The following CSTPP1 variants were observed in gnomAD, a reference collection of about 807,000 sequenced individuals.
The protein encoded by CSTPP1 is UPF0705 protein C11orf49.
the CSTPP1 span, among the ~76,000 whole-genome samples, chr11:47,072,322 C>A: frequency 2.0e-5 from 3 of 152,196 alleles, no homozygotes; most frequent in African/African-American, 7.2e-5. Flanking sequence ...AGGTTGCAAG[C>A]TGTTTTTCTA....
the CSTPP1 span, among the ~76,000 whole-genome samples, chr11:46,938,778 TTC>T: frequency 1.5e-4 from 14 of 95,360 alleles, no homozygotes; most frequent in Admixed American, 6.0e-4. Context: ...TTTTTTCTTC[TTC>T]TTTTTTTTTT....
At chr11:47,079,912 G>A in the CSTPP1 span, among the ~76,000 whole-genome samples, 3 of 151,054 alleles carry the variant, frequency 2.0e-5, no homozygotes, top group Admixed American at 6.6e-5. Context: ...TGACCAACAC[G>A]GTGATACCCC....
At chr11:47,016,944 G>C in the CSTPP1 span, among the ~76,000 whole-genome samples, 14 of 141,172 alleles carry the variant, frequency 9.9e-5, no homozygotes, top group South Asian at 2.9e-3. Context: ...CCAGGTTCAC[G>C]CCATTCTCCT....
the CSTPP1 span, among the ~76,000 whole-genome samples, chr11:47,054,001 C>CT: frequency 7.1e-4 from 101 of 142,574 alleles, 1 homozygote; most frequent in Middle Eastern, 0.018. Context: ...TATTTGAAGG[C>CT]TTTTTTTTTT....
chr11:47,123,960 A>G, the CSTPP1 span, among the ~76,000 whole-genome samples: 2 of 152,080 alleles, frequency 1.3e-5, no homozygotes, highest in East Asian at 3.9e-4. Context: ...CAAAAAACAA[A>G]CAAACAAATT....
the CSTPP1 span, among the ~76,000 whole-genome samples, chr11:47,093,980 G>A: frequency 1.3e-5 from 2 of 152,188 alleles, no homozygotes; most frequent in African/African-American, 4.8e-5. Context: ...ATGCTTACTG[G>A]TTTCAAATAC....
At chr11:47,088,474 A>G in the CSTPP1 span, among the ~76,000 whole-genome samples, 1 of 152,240 alleles carries the variant, frequency 6.6e-6, no homozygotes, top group South Asian at 2.1e-4. Context: ...TTGTACACCA[A>G]AATGAATGGA....
the CSTPP1 span, among the ~76,000 whole-genome samples, chr11:47,094,031 T>A: frequency 1.3e-5 from 2 of 152,298 alleles, no homozygotes; most frequent in East Asian, 3.9e-4. Flanking sequence ...TTATTCTGTG[T>A]GGTCCCAGAA....
At chr11:47,121,107 G>T in the CSTPP1 span, among the ~76,000 whole-genome samples, 16 of 152,078 alleles carry the variant, frequency 1.1e-4, no homozygotes, top group Non-Finnish European at 2.4e-4. Flanking sequence ...TGCTGGAAAA[G>T]ATCATTGCCT....
chr11:47,090,704 A>G, the CSTPP1 span, among the ~76,000 whole-genome samples: 1 of 152,178 alleles, frequency 6.6e-6, no homozygotes, highest in East Asian at 1.9e-4. Flanking sequence ...GAGCCCTTTT[A>G]TCCATGCCTT....
At chr11:47,037,987 A>C in the CSTPP1 span, among the ~76,000 whole-genome samples, 7 of 86,442 alleles carry the variant, frequency 8.1e-5, 1 homozygote, top group Admixed American at 2.6e-4. Context: ...GACCCCCCCC[A>C]CCTCCCTCCT....
At chr11:47,006,151 A>G in the CSTPP1 span, among the ~76,000 whole-genome samples, 1 of 152,194 alleles carries the variant, frequency 6.6e-6, no homozygotes, top group Non-Finnish European at 1.5e-5. Context: ...CTGTATCCAT[A>G]ATATAACTGC....
chr11:47,141,192 C>G, the CSTPP1 span, among the ~76,000 whole-genome samples: 1 of 152,160 alleles, frequency 6.6e-6, no homozygotes, highest in South Asian at 2.1e-4. Flanking sequence ...TTACCACAGT[C>G]CATTGTAGAA....
At chr11:47,119,194 C>T in the CSTPP1 span, among the ~76,000 whole-genome samples, 3 of 152,258 alleles carry the variant, frequency 2.0e-5, no homozygotes, top group African/African-American at 4.8e-5. Flanking sequence ...AGGCTGCCGC[C>T]TCGCAGATCA....
At chr11:47,019,739 A>G in the CSTPP1 span, among the ~76,000 whole-genome samples, 1 of 152,202 alleles carries the variant, frequency 6.6e-6, no homozygotes, top group African/African-American at 2.4e-5. Context: ...CAAATAATGA[A>G]AAAGTTTGAA....
chr11:46,996,344 C>T, the CSTPP1 span, among the ~76,000 whole-genome samples: 1 of 151,566 alleles, frequency 6.6e-6, no homozygotes, highest in Admixed American at 6.6e-5. Flanking sequence ...CGCTCTGTCG[C>T]CCAGGCTGGA....
the CSTPP1 span, among the ~76,000 whole-genome samples, chr11:46,977,631 A>C: frequency 6.6e-6 from 1 of 152,242 alleles, no homozygotes; most frequent in Non-Finnish European, 1.5e-5. Context: ...GCTGTTTATG[A>C]ACGGTGGCTT....
chr11:47,153,551 T>C, the CSTPP1 span, among the ~76,000 whole-genome samples: 1 of 152,204 alleles, frequency 6.6e-6, no homozygotes, highest in Admixed American at 6.5e-5. Context: ...CAGCTGTGTG[T>C]GTGACTTTGG....
the CSTPP1 span, among the ~76,000 whole-genome samples, chr11:47,122,280 A>G: frequency 6.6e-6 from 1 of 151,546 alleles, no homozygotes; most frequent in Non-Finnish European, 1.5e-5. Context: ...ACCAAGGGGC[A>G]TTATAATAAG....
Sources: gnomAD v4.1 joint callset for allele counts (sites outside exome capture counted in the v4.1 genomes callset) on GRCh38, gnomAD v4.1.1 for gene constraint, MANE v1.5 for transcripts, NCBI Gene and HGNC (gene_info 2026-07-23, HGNC 2026-07-21) for gene names.